The following SLC44A5 variants were observed in gnomAD, a reference collection of about 807,000 sequenced individuals.
The protein encoded by SLC44A5 is solute carrier family 44 member 5.
Under a neutral mutation model 101.8 loss-of-function variants are expected in SLC44A5, and 57 were observed. The ratio of observed to expected loss-of-function variants is 0.56; its 90% CI spans 0.45 to 0.70. The LOEUF is 0.70. Ranked by LOEUF, SLC44A5 falls within the 30% of genes least tolerant of loss-of-function variation. The pLI is 0.00. For missense variants in SLC44A5, 737 were observed against 853.1 expected, an observed-to-expected ratio of 0.86 and a Z score of 1.70; for synonymous variants, 281 against 290.9, an observed-to-expected ratio of 0.97 and a Z score of 0.35.
At chr1:75,615,911 A>C (rs1675858936), upstream of SLC44A5, 1 of 979,746 alleles carries the variant, frequency 1.0e-6, no homozygotes, top group African/African-American at 1.8e-5. Context: ...CCTCCCCCGG[A>C]CCCCCCACGC....
At chr1:75,472,083 TAAA>T (rs11284319) in intron 2 of SLC44A5, among the ~76,000 whole-genome samples, 8 of 141,268 alleles carry the variant, frequency 5.7e-5, no homozygotes, top group Non-Finnish European at 4.6e-5. Flanking sequence ...CCCCTGGGTT[TAAA>T]AAAAAAAAAA....
chr1:75,275,629 C>T (rs1047125493), intron 5 of SLC44A5, among the ~76,000 whole-genome samples: 58 of 152,088 alleles, frequency 3.8e-4, no homozygotes, highest in Admixed American at 3.1e-3. Flanking sequence ...ATAGAAGTAT[C>T]AAGTGATCTC....
chr1:75,236,607 T>C (rs1648101853), intron 11 of SLC44A5, among the ~76,000 whole-genome samples: 1 of 151,910 alleles, frequency 6.6e-6, no homozygotes, highest in South Asian at 2.1e-4. Context: ...AGGGACGAAT[T>C]AGAAAAAAGA....
intron 2 of SLC44A5, among the ~76,000 whole-genome samples, chr1:75,534,006 G>A (rs1279386637): frequency 6.6e-6 from 1 of 152,168 alleles, no homozygotes; most frequent in African/African-American, 2.4e-5. Context: ...GTCAAGTTCA[G>A]GGATGGAAAA....
chr1:75,631,334 T>C, the SLC44A5 span, among the ~76,000 whole-genome samples: 2 of 152,226 alleles, frequency 1.3e-5, no homozygotes, highest in African/African-American at 4.8e-5. Context: ...CTTGTATTAT[T>C]ACTGCTAGGG....
chr1:75,279,935 T>C (rs543228623), intron 5 of SLC44A5, among the ~76,000 whole-genome samples: 9 of 151,610 alleles, frequency 5.9e-5, no homozygotes, highest in African/African-American at 2.2e-4. Context: ...TCGAAGTACA[T>C]TGTATCATTT....
chr1:75,559,703 T>C (rs540545491), intron 1 of SLC44A5, among the ~76,000 whole-genome samples: 48 of 152,124 alleles, frequency 3.2e-4, no homozygotes, highest in Non-Finnish European at 3.4e-4. Context: ...CACTAAAAAT[T>C]TTTAAATTTT....
chr1:75,694,763 T>G, the SLC44A5 span, among the ~76,000 whole-genome samples: 1 of 152,154 alleles, frequency 6.6e-6, no homozygotes, highest in Non-Finnish European at 1.5e-5. Context: ...AAGTTTAATA[T>G]ACCTATCATG....
At chr1:75,555,805 A>T (rs1672183818) in intron 1 of SLC44A5, among the ~76,000 whole-genome samples, 1 of 152,152 alleles carries the variant, frequency 6.6e-6, no homozygotes, top group African/African-American at 2.4e-5. Context: ...GTAATAAAAT[A>T]TTAAAAATTC....
chr1:75,597,344 G>A (rs1374377627), intron 1 of SLC44A5, among the ~76,000 whole-genome samples: 1 of 152,038 alleles, frequency 6.6e-6, no homozygotes, highest in African/African-American at 2.4e-5. Context: ...TGGACAGAAA[G>A]AATCAATATT....
intron 2 of SLC44A5, among the ~76,000 whole-genome samples, chr1:75,406,114 G>T (rs1662846897): frequency 1.3e-5 from 2 of 152,108 alleles, no homozygotes; most frequent in African/African-American, 4.8e-5. Context: ...AAATCCAGAA[G>T]AAATGGATAA....
intron 3 of SLC44A5, among the ~76,000 whole-genome samples, chr1:75,342,228 T>C (rs918724558): frequency 1.3e-5 from 2 of 152,136 alleles, no homozygotes; most frequent in African/African-American, 4.8e-5. Context: ...GATCATAAAC[T>C]CTATAAAATT....
chr1:75,705,625 T>C, the SLC44A5 span, among the ~76,000 whole-genome samples: 79 of 152,328 alleles, frequency 5.2e-4, no homozygotes, highest in African/African-American at 1.9e-3. Flanking sequence ...TTCTCATCTT[T>C]TCCTCAGTCT....
chr1:75,584,624 GCT>G (rs1410685529), intron 1 of SLC44A5, among the ~76,000 whole-genome samples: 1 of 151,892 alleles, frequency 6.6e-6, no homozygotes, highest in Non-Finnish European at 1.5e-5. Flanking sequence ...ACTGAGTTTC[GCT>G]CTGTCACCCA....
At chr1:75,291,971 C>G (rs578214760) in intron 5 of SLC44A5, among the ~76,000 whole-genome samples, 183 of 149,090 alleles carry the variant, frequency 1.2e-3, no homozygotes, top group African/African-American at 4.4e-3. Flanking sequence ...GAGATCGCGC[C>G]ACTGCACTCC....
rs554187950 is a variant in SLC44A5, at chr1:75,519,552, C to T, written c.13+21883G>A. 1.9e-4 allele frequency among the ~76,000 whole-genome samples: 29 copies of T among 151,054 alleles called. No individual in the cohort carries two copies. The Middle Eastern group carries it at 0.01, about 53-fold the overall frequency. On this transcript the variant is annotated intron_variant, in intron 2 of 23. Transcript: ENST00000370859. Reference sequence around the variant, plus strand: ...CAGCCTGGGCAACAGAGCTAGACTCCGTCTCAAAAAAAAAAAAATTATTAT... The same window carrying T: ...CAGCCTGGGCAACAGAGCTAGACTCTGTCTCAAAAAAAAAAAAATTATTAT...
chr1:75,319,159 A>G (rs1027204440), intron 4 of SLC44A5, among the ~76,000 whole-genome samples: 4 of 152,164 alleles, frequency 2.6e-5, no homozygotes, highest in African/African-American at 4.8e-5. Flanking sequence ...ATGATTCTGT[A>G]AAGACTTTTG....
chr1:75,530,678 G>A (rs211772), intron 2 of SLC44A5, among the ~76,000 whole-genome samples: 34,157 of 151,994 alleles, frequency 0.22, 4,140 homozygotes, highest in Admixed American at 0.3. Context: ...ACTACCTCCC[G>A]ACTTTACTTT....
the SLC44A5 span, among the ~76,000 whole-genome samples, chr1:75,702,962 AC>A: frequency 6.6e-6 from 1 of 152,030 alleles, no homozygotes; most frequent in South Asian, 2.1e-4. Context: ...ACAATGAGAT[AC>A]CACCTCACAC....
Sources: gnomAD v4.1 joint callset for allele counts (sites outside exome capture counted in the v4.1 genomes callset) on GRCh38, gnomAD v4.1.1 for gene constraint, MANE v1.5 for transcripts, NCBI Gene and HGNC (gene_info 2026-07-23, HGNC 2026-07-21) for gene names.